PTPRR: variants seen among roughly 807,000 people sequenced by gnomAD.
The protein encoded by PTPRR is receptor-type tyrosine-protein phosphatase R.
A neutral mutation model predicts 77.2 loss-of-function variants in PTPRR; 38 were observed. The ratio of observed to expected loss-of-function variants is 0.49; its 90% CI spans 0.38 to 0.65. The LOEUF (loss-of-function observed/expected upper bound fraction) is 0.65, where lower values mean the gene tolerates loss of function less well. PTPRR is among the 30% of genes least tolerant of loss of function. The pLI, the probability that PTPRR is intolerant of heterozygous loss-of-function variation, is 0.00. For missense variants in PTPRR, 744 were observed against 799.2 expected, an observed-to-expected ratio of 0.93 and a Z score of 0.83; for synonymous variants, 299 against 283.1, an observed-to-expected ratio of 1.06 and a Z score of -0.57.
At chr12:70,676,743 A>C (rs1311052775) in intron 10 of PTPRR, among the ~76,000 whole-genome samples, 1 of 151,656 alleles carries the variant, frequency 6.6e-6, no homozygotes, top group South Asian at 2.1e-4. Flanking sequence ...TCTGGGCTCT[A>C]TGTTCCATAT....
rs61539990 is a variant in PTPRR, at chr12:70,821,213, CTTTTTTTTTTTTTTTTTT to C, written c.358-56453_358-56436del. On this transcript the variant is annotated intron_variant, in intron 2 of 13. Coordinates refer to ENST00000283228, the MANE Select transcript of PTPRR (RefSeq NM_002849.4). ...CAAAACATGTTGAAAGGGATCACTG[CTTTTTTTTTTTTTTTTTT>C]TTTTTTTTTTTAGGACAGAGTTTCA... Among the ~76,000 whole-genome samples the C allele has an allele frequency of 1.3e-4, 4 of 31,972 alleles. 1 individual carries two copies. Among genetic ancestry groups the C allele is most frequent in the East Asian group, 2.3e-3 (1 of 440 alleles). The allele number at this position is 31,972 out of a possible 152,430, so 21.0% of individuals were successfully genotyped here. A position where few individuals can be genotyped will look rare whatever the true frequency, so the allele number is the denominator to read the frequency against.
At chr12:70,835,790 T>G (rs533280010) in intron 2 of PTPRR, among the ~76,000 whole-genome samples, 63 of 152,234 alleles carry the variant, frequency 4.1e-4, no homozygotes, top group South Asian at 8.3e-4. Flanking sequence ...AAAATAAACA[T>G]TTCATTATAA....
At chr12:70,653,207 G>T (rs951180381) in intron 13 of PTPRR, among the ~76,000 whole-genome samples, 3 of 152,164 alleles carry the variant, frequency 2.0e-5, no homozygotes, top group East Asian at 1.9e-4. Flanking sequence ...TGTGGGAGCA[G>T]CTCTGGCTGA....
intron 13 of PTPRR, among the ~76,000 whole-genome samples, chr12:70,653,712 A>G (rs1376443031): frequency 2.0e-5 from 3 of 152,188 alleles, no homozygotes; most frequent in African/African-American, 7.2e-5. Context: ...TACAATAATA[A>G]TAGGAAATAT....
intron 2 of PTPRR, among the ~76,000 whole-genome samples, chr12:70,829,655 T>A (rs1892177294): frequency 6.6e-6 from 1 of 152,186 alleles, no homozygotes; most frequent in Non-Finnish European, 1.5e-5. Context: ...ATGGCACTTT[T>A]GGACTGAGAA....
intron 10 of PTPRR, among the ~76,000 whole-genome samples, chr12:70,670,457 T>C (rs976483746): frequency 6.6e-6 from 1 of 152,228 alleles, no homozygotes; most frequent in African/African-American, 2.4e-5. Flanking sequence ...TCATTTATAA[T>C]ATAGGAATAG....
intron 10 of PTPRR, among the ~76,000 whole-genome samples, chr12:70,669,884 A>G (rs1439685951): frequency 6.6e-6 from 1 of 152,164 alleles, no homozygotes; most frequent in Non-Finnish European, 1.5e-5. Context: ...ACAATGGAAC[A>G]TCTTTTAAAT....
chr12:70,811,836 A>C (rs1891813348), intron 2 of PTPRR, among the ~76,000 whole-genome samples: 1 of 152,220 alleles, frequency 6.6e-6, no homozygotes, highest in Non-Finnish European at 1.5e-5. Context: ...CATAAGGCCC[A>C]ATTCTACTGC....
intron 10 of PTPRR, among the ~76,000 whole-genome samples, chr12:70,678,130 T>C (rs1297463495): frequency 6.6e-6 from 1 of 152,144 alleles, no homozygotes; most frequent in Non-Finnish European, 1.5e-5. Context: ...AACCTCCCAG[T>C]CCCGGGTTCA....
Position 70,883,736 on chromosome 12 carries a change from A to G in PTPRR, c.357+8943T>C, listed in dbSNP as rs142016602. On this transcript the variant is annotated intron_variant, in intron 2 of 13. Transcript: ENST00000283228. ...GTCACAGCCAGATCTGGGGTCTTAT[A>G]CCCTCCCAGGAAAAAAAATGAAAGG... is the stretch of plus-strand genomic sequence containing the variant. Among the ~76,000 whole-genome samples the G allele has an allele frequency of 1.4e-4, 22 of 152,170 alleles. No individual in the cohort carries two copies. In the East Asian group the frequency reaches 4.3e-3, roughly 29 times the overall value.
At chr12:70,741,297 A>C (rs980014898) in intron 6 of PTPRR, among the ~76,000 whole-genome samples, 1 of 152,208 alleles carries the variant, frequency 6.6e-6, no homozygotes, top group African/African-American at 2.4e-5. Flanking sequence ...CCAGAACTTA[A>C]AGACAACAAA....
intron 2 of PTPRR, among the ~76,000 whole-genome samples, chr12:70,819,271 CT>C (rs1223503278): frequency 6.6e-6 from 1 of 152,220 alleles, no homozygotes; most frequent in Non-Finnish European, 1.5e-5. Context: ...CACCACTGCG[CT>C]CCAGCCTGGG....
At chr12:70,660,524 G>C (rs572116847) in intron 12 of PTPRR, among the ~76,000 whole-genome samples, 7 of 152,262 alleles carry the variant, frequency 4.6e-5, no homozygotes, top group African/African-American at 1.7e-4. Flanking sequence ...ATGTTACCAA[G>C]ATACAAGCCA....
At chr12:70,730,684 C>T (rs1401333675) in intron 6 of PTPRR, among the ~76,000 whole-genome samples, 2 of 151,926 alleles carry the variant, frequency 1.3e-5, no homozygotes, top group African/African-American at 4.8e-5. Context: ...ATTAACTGGA[C>T]ATGGTGGCAT....
chr12:70,757,245 A>G (rs2136954583), intron 4 of PTPRR, among the ~76,000 whole-genome samples: 1 of 152,296 alleles, frequency 6.6e-6, no homozygotes, highest in Middle Eastern at 3.4e-3. Context: ...CAGTTAGCAC[A>G]TTGGACTTTT....
Position 70,713,160 on chromosome 12 carries a change from T to C in PTPRR, c.1008-11837A>G, listed in dbSNP as rs577511625. 3.3e-5 allele frequency among the ~76,000 whole-genome samples: 5 copies of C among 152,262 alleles called. No individual in the cohort carries two copies. In the South Asian group the frequency reaches 1.0e-3, roughly 32 times the overall value. On this transcript the variant is annotated intron_variant, in intron 6 of 13. Coordinates refer to ENST00000283228, the MANE Select transcript of PTPRR (RefSeq NM_002849.4). ...CATACAACGTATGGCCTCTTGTGTC[T>C]TGTCTGACTTCTTTTACGTAGCATA... is the stretch of plus-strand genomic sequence containing the variant.
At chr12:70,681,452 T>C (rs1200068146) in intron 10 of PTPRR, among the ~76,000 whole-genome samples, 1 of 152,180 alleles carries the variant, frequency 6.6e-6, no homozygotes, top group Non-Finnish European at 1.5e-5. Flanking sequence ...GTGACATTAA[T>C]GGGGGCTGCT....
chr12:70,830,409 A>G (rs934178071), intron 2 of PTPRR, among the ~76,000 whole-genome samples: 5 of 152,176 alleles, frequency 3.3e-5, no homozygotes, highest in Non-Finnish European at 7.3e-5. Context: ...TACTTAAAAT[A>G]AATACATAAA....
chr12:70,660,948 G>A lies in PTPRR; in HGVS notation c.1758C>T (p.Val586=). The A allele has an allele frequency of 6.2e-7, 1 of 1,612,924 alleles. No homozygotes were observed. Residue 586 remains valine, a synonymous_variant, in exon 12 of 14, where the codon GTC becomes GTT. Transcript: ENST00000283228. The part of the protein sequence containing the change: ...LASQGRGPVV[V]HCSAGIGRTG... ...GACCATACACGTCTTACCTGCAGTG[G>A]ACAACCACAGGCCCTCGGCCCTGGG... is the stretch of plus-strand genomic sequence containing the variant.
Sources: gnomAD v4.1 joint callset for allele counts (sites outside exome capture counted in the v4.1 genomes callset) on GRCh38, gnomAD v4.1.1 for gene constraint, MANE v1.5 for transcripts, NCBI Gene and HGNC (gene_info 2026-07-23, HGNC 2026-07-21) for gene names.